ESRRG: variants seen among roughly 807,000 people sequenced by gnomAD.
ESRRG encodes the protein estrogen-related receptor gamma.
In ESRRG, 13 loss-of-function variants were observed where a neutral mutation model predicts 44.0. The observed-to-expected ratio is 0.30, with a 90% CI of 0.19 to 0.47. ESRRG has a LOEUF of 0.47. ESRRG is among the 20% of genes least tolerant of loss of function. ESRRG has a pLI of 1.00. For missense variants in ESRRG, 395 were observed against 580.6 expected, an observed-to-expected ratio of 0.68 and a Z score of 3.29; for synonymous variants, 215 against 214.6, an observed-to-expected ratio of 1.00 and a Z score of -0.02.
intron 6 of ESRRG, among the ~76,000 whole-genome samples, chr1:216,508,781 A>C (rs900776189): frequency 6.6e-5 from 10 of 152,184 alleles, no homozygotes; most frequent in Non-Finnish European, 1.5e-4. Flanking sequence ...TTGCACTTAA[A>C]TGCTACCTGA....
intron 2 of ESRRG, among the ~76,000 whole-genome samples, chr1:216,664,612 T>C (rs2073397252): frequency 6.6e-6 from 1 of 150,410 alleles, no homozygotes; most frequent in Admixed American, 6.7e-5. Context: ...TTGGTGTATA[T>C]ATAAATTTGG....
intron 1 of ESRRG, among the ~76,000 whole-genome samples, chr1:217,016,235 A>C (rs2079363877): frequency 6.6e-6 from 1 of 152,178 alleles, no homozygotes; most frequent in Non-Finnish European, 1.5e-5. Context: ...ACTCATCGCA[A>C]GTGTAACATT....
intron 1 of ESRRG, among the ~76,000 whole-genome samples, chr1:217,012,097 T>C (rs1241531324): frequency 6.6e-6 from 1 of 152,152 alleles, no homozygotes; most frequent in East Asian, 1.9e-4. Flanking sequence ...AGTAAAACTT[T>C]GGAGGGGACC....
intron 2 of ESRRG, among the ~76,000 whole-genome samples, chr1:216,900,282 G>A (rs1054467728): frequency 1.3e-5 from 2 of 152,272 alleles, no homozygotes; most frequent in Admixed American, 6.5e-5. Flanking sequence ...CTCCTGGGCC[G>A]ACAACTTGCA....
intron 5 of ESRRG, among the ~76,000 whole-genome samples, chr1:216,548,288 T>G (rs2055178589): frequency 1.3e-5 from 2 of 152,102 alleles, no homozygotes; most frequent in South Asian, 4.1e-4. Flanking sequence ...TTATGTTGAT[T>G]CAAAAATTTG....
At chr1:216,588,365 C>A (rs1255027761) in intron 3 of ESRRG, among the ~76,000 whole-genome samples, 1 of 152,106 alleles carries the variant, frequency 6.6e-6, no homozygotes, top group East Asian at 1.9e-4. Context: ...CTACAACAAA[C>A]AACAACAACA....
chr1:216,573,695 A>G (rs921630365), intron 3 of ESRRG, among the ~76,000 whole-genome samples: 11 of 151,952 alleles, frequency 7.2e-5, no homozygotes, highest in African/African-American at 2.7e-4. Context: ...GCCCCCTCCC[A>G]TCACTAATAA....
chr1:216,744,493 C>T (rs963140823), intron 2 of ESRRG, among the ~76,000 whole-genome samples: 1 of 149,800 alleles, frequency 6.7e-6, no homozygotes, highest in Non-Finnish European at 1.5e-5. Flanking sequence ...TGCACACACA[C>T]ACACACACAC....
intron 2 of ESRRG, among the ~76,000 whole-genome samples, chr1:216,665,779 C>A (rs2073783803): frequency 6.6e-6 from 1 of 152,126 alleles, no homozygotes; most frequent in African/African-American, 2.4e-5. Flanking sequence ...AAATACTACA[C>A]CAGCATCCTG....
chr1:216,960,941 G>A (rs911583085), intron 1 of ESRRG, among the ~76,000 whole-genome samples: 1 of 152,084 alleles, frequency 6.6e-6, no homozygotes, highest in Non-Finnish European at 1.5e-5. Flanking sequence ...TGATTTTAAT[G>A]CTCTACTGTA....
rs541950816 is a variant in ESRRG at position 216,951,400 on chromosome 1, A to G, written c.-105-11727T>C. On this transcript the variant is annotated intron_variant, in intron 1 of 7. Transcript: ENST00000359162. ...CAAAATGGGCTTTATGCATTACACA[A>G]TGGAGCAGAAGGCAGTGATATATAT... Among the ~76,000 whole-genome samples, 16 of 152,248 alleles carry G rather than the reference A, an allele frequency of 1.1e-4. No homozygotes were observed. The East Asian group carries it at 3.1e-3, about 29-fold the overall frequency.
intron 2 of ESRRG, among the ~76,000 whole-genome samples, chr1:216,765,592 A>T (rs886654629): frequency 6.6e-6 from 1 of 152,140 alleles, no homozygotes; most frequent in African/African-American, 2.4e-5. Flanking sequence ...CTCCAAAGGC[A>T]TTCTCTGAGG....
chr1:216,818,545 C>T (rs1410785002), intron 2 of ESRRG, among the ~76,000 whole-genome samples: 1 of 152,122 alleles, frequency 6.6e-6, no homozygotes, highest in African/African-American at 2.4e-5. Context: ...TTAGCTCATG[C>T]CCTCATTGCC....
intron 1 of ESRRG, among the ~76,000 whole-genome samples, chr1:217,033,043 A>G (rs2082306231): frequency 6.6e-6 from 1 of 152,170 alleles, no homozygotes; most frequent in Non-Finnish European, 1.5e-5. Context: ...AAGGGGGTGC[A>G]CCTATAATCC....
intron 3 of ESRRG, among the ~76,000 whole-genome samples, chr1:216,642,677 T>C (rs1025220107): frequency 4.6e-5 from 7 of 152,164 alleles, no homozygotes; most frequent in Middle Eastern, 3.2e-3. Flanking sequence ...ATATTTTCCT[T>C]GAATACCATT....
chr1:216,511,547 TCA>T (rs79870471), intron 6 of ESRRG, among the ~76,000 whole-genome samples: 1 of 144,822 alleles, frequency 6.9e-6, no homozygotes, highest in Non-Finnish European at 1.5e-5. Flanking sequence ...ATACATAAAT[TCA>T]CACACACACA....
At chr1:216,953,004 T>G (rs1466289877) in intron 1 of ESRRG, among the ~76,000 whole-genome samples, 1 of 152,142 alleles carries the variant, frequency 6.6e-6, no homozygotes. Flanking sequence ...TGTATATGTA[T>G]GTGGGAGTAT....
chr1:216,626,517 C>T (rs1177692953), intron 3 of ESRRG, among the ~76,000 whole-genome samples: 1 of 152,202 alleles, frequency 6.6e-6, no homozygotes, highest in African/African-American at 2.4e-5. Context: ...ACTTCAAAAG[C>T]TATATGCATA....
chr1:216,508,124 G>A (rs2041701333), intron 6 of ESRRG, among the ~76,000 whole-genome samples: 1 of 152,126 alleles, frequency 6.6e-6, no homozygotes, highest in Non-Finnish European at 1.5e-5. Context: ...TGAGAATGCT[G>A]AGCTCTAAGA....
Sources: gnomAD v4.1 joint callset for allele counts (sites outside exome capture counted in the v4.1 genomes callset) on GRCh38, gnomAD v4.1.1 for gene constraint, MANE v1.5 for transcripts, NCBI Gene and HGNC (gene_info 2026-07-23, HGNC 2026-07-21) for gene names.